Variants in APBB2 observed in about 807,000 individuals in gnomAD.
APBB2 encodes the protein amyloid beta precursor protein binding family B member 2.
Under a neutral mutation model 82.5 loss-of-function variants are expected in APBB2, and 38 were observed. The observed-to-expected ratio is 0.46, with a 90% CI of 0.36 to 0.60. APBB2 has a LOEUF of 0.60. APBB2 is among the 20% of genes least tolerant of loss of function. APBB2 has a pLI of 0.00. For missense variants in APBB2, 772 were observed against 972.3 expected (o/e 0.79, Z 2.74); for synonymous variants, 341 against 368.2 (o/e 0.93, Z 0.85).
chr4:41,200,260 T>C (rs1045891608), intron 1 of APBB2, among the ~76,000 whole-genome samples: 3 of 152,178 alleles, frequency 2.0e-5, no homozygotes, highest in Admixed American at 6.5e-5. Context: ...CAAATTCTTA[T>C]CATAAAATTC....
At chr4:41,156,598 T>C (rs1352117400) in intron 1 of APBB2, among the ~76,000 whole-genome samples, 2 of 152,236 alleles carry the variant, frequency 1.3e-5, no homozygotes, top group African/African-American at 4.8e-5. Context: ...TAAGTTAATG[T>C]CTGCTGTACA....
At chr4:40,901,747 T>A (rs570810753) in intron 10 of APBB2, among the ~76,000 whole-genome samples, 2 of 152,256 alleles carry the variant, frequency 1.3e-5, no homozygotes, top group East Asian at 3.9e-4. Context: ...TGACCTCAAG[T>A]GATCCGCTTA....
chr4:41,142,449 G>T (rs1759522537), intron 2 of APBB2, among the ~76,000 whole-genome samples: 1 of 152,174 alleles, frequency 6.6e-6, no homozygotes, highest in Admixed American at 6.5e-5. Context: ...AAAATGAAAT[G>T]TGTTGGTGGC....
chr4:41,012,027 G>A (rs1343878659), intron 6 of APBB2, among the ~76,000 whole-genome samples: 2 of 151,912 alleles, frequency 1.3e-5, no homozygotes, highest in African/African-American at 4.8e-5. Flanking sequence ...CGTCCACCAT[G>A]CCCAACTAAT....
intron 6 of APBB2, among the ~76,000 whole-genome samples, chr4:40,946,502 ATATCT>A (rs1788505178): frequency 6.6e-6 from 1 of 152,148 alleles, no homozygotes. Context: ...GCCTTTCTAC[ATATCT>A]TATCAGTTTA....
intron 10 of APBB2, among the ~76,000 whole-genome samples, chr4:40,915,437 C>A (rs572706752): frequency 2.6e-4 from 39 of 152,292 alleles, no homozygotes; most frequent in African/African-American, 9.4e-4. Context: ...AGCCCCGGAG[C>A]GCAGAGCCTG....
chr4:40,850,503 G>A (rs1386101011), intron 12 of APBB2, among the ~76,000 whole-genome samples: 2 of 152,132 alleles, frequency 1.3e-5, no homozygotes, highest in Non-Finnish European at 2.9e-5. Context: ...ATCCCTATTT[G>A]AATTGTCATT....
chr4:40,866,391 A>C (rs1347305792), intron 12 of APBB2, among the ~76,000 whole-genome samples: 1 of 152,134 alleles, frequency 6.6e-6, no homozygotes, highest in Non-Finnish European at 1.5e-5. Flanking sequence ...GGAGGGTTTA[A>C]GCAGGAGCTT....
intron 6 of APBB2, among the ~76,000 whole-genome samples, chr4:40,983,897 T>C (rs535941029): frequency 6.6e-6 from 1 of 152,306 alleles, no homozygotes; most frequent in South Asian, 2.1e-4. Context: ...TATGGTGTTT[T>C]TGATCCCTGA....
intron 12 of APBB2, among the ~76,000 whole-genome samples, chr4:40,889,338 G>A (rs773712582): frequency 2.6e-5 from 4 of 152,316 alleles, no homozygotes; most frequent in African/African-American, 4.8e-5. Context: ...AATGCCCAGC[G>A]TTGGTTGACA....
chr4:40,983,119 T>G (rs1799552464), intron 6 of APBB2, among the ~76,000 whole-genome samples: 1 of 152,222 alleles, frequency 6.6e-6, no homozygotes, highest in Non-Finnish European at 1.5e-5. Context: ...TCATGTCTAT[T>G]ACTCATTTAA....
chr4:40,824,141 G>A (rs1749029880), intron 15 of APBB2, among the ~76,000 whole-genome samples: 1 of 152,112 alleles, frequency 6.6e-6, no homozygotes, highest in Admixed American at 6.5e-5. Context: ...AAGTATCAGT[G>A]AGACTCTGTC....
rs1803330705 is a variant in APBB2, at chr4:40,995,312, C to T, written c.835+18271G>A. Among the ~76,000 whole-genome samples, 4 of 152,096 alleles carry T rather than the reference C, an allele frequency of 2.6e-5. No homozygotes were observed. In the South Asian group the frequency reaches 8.3e-4, roughly 32 times the overall value. ...ACAAATTAATAGATTCTTATTTTGG[C>T]TCCAGTGTTTCTTATTTTGGCTTTA... On this transcript the variant is annotated intron_variant, in intron 6 of 17. Coordinates refer to ENST00000508593, the MANE Select transcript of APBB2 (RefSeq NM_004307.2).
At chr4:40,886,005 C>T (rs369500586) in intron 12 of APBB2, among the ~76,000 whole-genome samples, 6 of 152,212 alleles carry the variant, frequency 3.9e-5, no homozygotes, top group Non-Finnish European at 7.4e-5. Context: ...ATCCCATTTA[C>T]GGGGTCTGAA....
chr4:40,878,514 G>C (rs111471484), intron 12 of APBB2, among the ~76,000 whole-genome samples: 2,455 of 152,168 alleles, frequency 0.016, 80 homozygotes, highest in African/African-American at 0.056. Flanking sequence ...TTCATCCACT[G>C]TGTCCCTGCC....
At chr4:40,906,951 T>C (rs908552580) in intron 10 of APBB2, among the ~76,000 whole-genome samples, 3 of 152,148 alleles carry the variant, frequency 2.0e-5, no homozygotes, top group African/African-American at 7.2e-5. Context: ...TGCACACGGG[T>C]ATATATGCAT....
chr4:40,933,933 C>G (rs960235506), intron 10 of APBB2, among the ~76,000 whole-genome samples: 2 of 152,224 alleles, frequency 1.3e-5, no homozygotes, highest in African/African-American at 2.4e-5. Flanking sequence ...GCTCTGTTAG[C>G]AACCTACCAG....
intron 1 of APBB2, among the ~76,000 whole-genome samples, chr4:41,193,278 C>A (rs1217943660): frequency 6.6e-6 from 1 of 152,158 alleles, no homozygotes; most frequent in Non-Finnish European, 1.5e-5. Context: ...GGAAAAAGAA[C>A]AAATGTAACT....
intron 12 of APBB2, among the ~76,000 whole-genome samples, chr4:40,850,609 C>T (rs1759029019): frequency 6.6e-6 from 1 of 152,178 alleles, no homozygotes; most frequent in Non-Finnish European, 1.5e-5. Flanking sequence ...TGGACCACGG[C>T]CACACTCATT....
Sources: gnomAD v4.1 joint callset for allele counts (sites outside exome capture counted in the v4.1 genomes callset) on GRCh38, gnomAD v4.1.1 for gene constraint, MANE v1.5 for transcripts, NCBI Gene and HGNC (gene_info 2026-07-23, HGNC 2026-07-21) for gene names.